TRIO: variants seen among roughly 807,000 people sequenced by gnomAD.
The protein encoded by TRIO is trio Rho guanine nucleotide exchange factor.
Under a neutral mutation model 351.9 loss-of-function variants are expected in TRIO, and 58 were observed. The ratio of observed to expected loss-of-function variants is 0.16; its 90% CI spans 0.13 to 0.21. The LOEUF is 0.21. Among genes scored for constraint, TRIO ranks in the 10% least tolerant of loss-of-function variants. TRIO has a pLI of 1.00. For synonymous variants in TRIO, 1,758 were observed against 1,595.7 expected, an observed-to-expected ratio of 1.10 and a Z score of -2.42; for missense variants, 3,201 against 4,027.8, an observed-to-expected ratio of 0.79 and a Z score of 5.56.
intron 1 of TRIO, among the ~76,000 whole-genome samples, chr5:14,237,996 G>A (rs1462969900): frequency 6.6e-6 from 1 of 152,134 alleles, no homozygotes; most frequent in African/African-American, 2.4e-5. Flanking sequence ...TGTAGTCACT[G>A]CCCATATCCT....
Position 14,304,442 on chromosome 5 carries a change from C to A in TRIO, c.1369-19C>A. The A allele has an allele frequency of 6.3e-7, 1 of 1,589,756 alleles. No homozygotes were observed. On this transcript the variant is annotated intron_variant, in intron 7 of 56. Coordinates refer to ENST00000344204, the MANE Select transcript of TRIO (RefSeq NM_007118.4). The stretch of plus-strand genomic sequence containing the variant: ...ATAAATTGTCATTGATAGAAATAAT[C>A]TTTTTTTAACCTTCCAAGTATATGA...
In TRIO at chr5:14,305,422, A is replaced by G. The variant is rs576300916; in HGVS notation, c.1500+830A>G. ...CTGGAGGTGAAGGCGAGGGGTGTAG[A>G]GAGGAATTCTGTGTCCTTACTTTTC... is the stretch of plus-strand genomic sequence containing the variant. On this transcript the variant is annotated intron_variant, in intron 8 of 56. Transcript: ENST00000344204. Among the ~76,000 whole-genome samples, 291 of 152,302 alleles carry G rather than the reference A, an allele frequency of 1.9e-3. 1 individual carries two copies. The highest frequency in any genetic ancestry group is 0.01 in the Middle Eastern group (3 of 294).
At chr5:14,193,666 A>C (rs1000874302) in intron 1 of TRIO, among the ~76,000 whole-genome samples, 1 of 152,270 alleles carries the variant, frequency 6.6e-6, no homozygotes, top group Non-Finnish European at 1.5e-5. Context: ...ATGTTCAAAC[A>C]GTTCATGTCC....
chr5:14,234,581 A>G (rs1184116238), intron 1 of TRIO, among the ~76,000 whole-genome samples: 1 of 152,256 alleles, frequency 6.6e-6, no homozygotes, highest in Non-Finnish European at 1.5e-5. Flanking sequence ...TACAGAAGCA[A>G]TATTAAAAAA....
intron 1 of TRIO, among the ~76,000 whole-genome samples, chr5:14,154,919 T>C: frequency 6.6e-6 from 1 of 152,226 alleles, no homozygotes; most frequent in East Asian, 1.9e-4. Flanking sequence ...GTTTGAAGAT[T>C]TCTAGGATTA....
At chr5:14,490,506 C>T (rs2126651030) in intron 48 of TRIO, among the ~76,000 whole-genome samples, 1 of 152,370 alleles carries the variant, frequency 6.6e-6, no homozygotes, top group African/African-American at 2.4e-5. Context: ...ACCAGTCCTT[C>T]CTGCAGCTCA....
intron 11 of TRIO, among the ~76,000 whole-genome samples, chr5:14,352,781 A>G (rs570747369): frequency 1.3e-5 from 2 of 152,306 alleles, no homozygotes; most frequent in South Asian, 4.1e-4. Context: ...CAGTTCCTTC[A>G]CGGTCTCCTC....
intron 33 of TRIO, among the ~76,000 whole-genome samples, chr5:14,412,319 C>G (rs1749274220): frequency 1.3e-5 from 2 of 152,042 alleles, no homozygotes; most frequent in African/African-American, 4.8e-5. Context: ...TTTAGAAAAG[C>G]AATCAGCTCT....
intron 1 of TRIO, among the ~76,000 whole-genome samples, chr5:14,230,064 TC>T (rs1793307048): frequency 6.6e-6 from 1 of 152,144 alleles, no homozygotes; most frequent in Non-Finnish European, 1.5e-5. Context: ...GCACGTAGAA[TC>T]CCCCTGCACG....
intron 36 of TRIO, among the ~76,000 whole-genome samples, chr5:14,465,277 A>C (rs1456330105): frequency 6.6e-6 from 1 of 152,210 alleles, no homozygotes; most frequent in Non-Finnish European, 1.5e-5. Flanking sequence ...CTTTGAAAAA[A>C]ACACTGTGAT....
At chr5:14,362,760 C>G (rs923390569) in intron 13 of TRIO, among the ~76,000 whole-genome samples, 5 of 152,146 alleles carry the variant, frequency 3.3e-5, no homozygotes, top group Non-Finnish European at 7.4e-5. Flanking sequence ...ACCCTGAGGC[C>G]GGTTCAGGCA....
rs2126599399 is a variant in TRIO at position 14,480,125 on chromosome 5, ATAT to A, written c.6336+119_6336+121del. 5.5e-6 allele frequency: 5 copies of A among 916,624 alleles called. No individual in the cohort carries two copies. In the East Asian group the frequency reaches 1.3e-4, roughly 25 times the overall value. 56.8% of individuals were successfully genotyped at this position (916,624 alleles called of 1,614,324 possible). On this transcript the variant is annotated intron_variant, in intron 43 of 56. Coordinates refer to ENST00000344204, the MANE Select transcript of TRIO (RefSeq NM_007118.4). Reference sequence around the variant, plus strand: ...CAGGGGAATCATCTGTGTAACAGGTATATTATTTCTGATAAGTTAAACCTTAAA... The same window carrying A: ...CAGGGGAATCATCTGTGTAACAGGTATATTTCTGATAAGTTAAACCTTAAA...
At chr5:14,267,669 T>C (rs1234373326) in intron 1 of TRIO, among the ~76,000 whole-genome samples, 1 of 152,230 alleles carries the variant, frequency 6.6e-6, no homozygotes, top group Non-Finnish European at 1.5e-5. Flanking sequence ...GGAACTTTCA[T>C]GGTTGGGTTC....
chr5:14,459,301 G>A (rs1380681504), intron 34 of TRIO, among the ~76,000 whole-genome samples: 1 of 152,258 alleles, frequency 6.6e-6, no homozygotes, highest in Non-Finnish European at 1.5e-5. Flanking sequence ...CAGAGCCAGA[G>A]AGGCAGTGCA....
chr5:14,472,718 A>G (rs1754779699), intron 39 of TRIO, 60 bp downstream of exon 39: 1 of 1,579,848 alleles, frequency 6.3e-7, no homozygotes, highest in South Asian at 1.1e-5. Context: ...CAAAAGTAGT[A>G]TCGTTTTAGA....
chr5:14,507,368 G>A, intron 56 of TRIO, 108 bp downstream of exon 56: 1 of 1,493,010 alleles, frequency 6.7e-7, no homozygotes, highest in Non-Finnish European at 8.9e-7. Context: ...AGTGACTAGG[G>A]ACAAAAAGGG....
At chr5:14,484,422 A>G (rs62345871) in intron 46 of TRIO, among the ~76,000 whole-genome samples, 2,433 of 152,254 alleles carry the variant, frequency 0.016, 22 homozygotes, top group Non-Finnish European at 0.025. Context: ...TGTTAGTTCA[A>G]ACTATTAGTT....
At chr5:14,213,441 C>T (rs886216722) in intron 1 of TRIO, among the ~76,000 whole-genome samples, 1 of 151,880 alleles carries the variant, frequency 6.6e-6, no homozygotes, top group Admixed American at 6.6e-5. Context: ...GCTACTTTCA[C>T]ATGCCTGACT....
At chr5:14,174,920 T>A (rs1789315977) in intron 1 of TRIO, among the ~76,000 whole-genome samples, 1 of 152,244 alleles carries the variant, frequency 6.6e-6, no homozygotes, top group Non-Finnish European at 1.5e-5. Context: ...CGACATTAAT[T>A]ATTACAGATC....
Sources: allele counts gnomAD v4.1 joint callset (sites outside exome capture counted in the v4.1 genomes callset), GRCh38; gene constraint gnomAD v4.1.1; transcripts MANE v1.5; gene names NCBI Gene and HGNC (gene_info 2026-07-23, HGNC 2026-07-21).